VEZT: variants seen among roughly 807,000 people sequenced by gnomAD.
VEZT encodes vezatin, adherens junctions transmembrane protein.
VEZT carries 39 observed loss-of-function variants against 79.9 expected under a neutral mutation model. The ratio of observed to expected loss-of-function variants is 0.49; its 90% CI spans 0.38 to 0.64. The LOEUF (loss-of-function observed/expected upper bound fraction) is 0.64, where lower values mean the gene tolerates loss of function less well. Ranked by LOEUF, VEZT falls within the 30% of genes least tolerant of loss-of-function variation. VEZT has a pLI of 0.00. For missense variants in VEZT, 837 were observed against 893.1 expected (o/e 0.94, Z 0.80); for synonymous variants, 325 against 327.6 (o/e 0.99, Z 0.09).
At chr12:95,226,532 A>G (rs1199839354) in intron 1 of VEZT, among the ~76,000 whole-genome samples, 1 of 152,228 alleles carries the variant, frequency 6.6e-6, no homozygotes, top group Admixed American at 6.5e-5. Context: ...TAAATCATGC[A>G]GAGTTTTGGA....
At chr12:95,236,575 C>CT (rs767088513) in intron 1 of VEZT, among the ~76,000 whole-genome samples, 351 of 141,872 alleles carry the variant, frequency 2.5e-3, no homozygotes, top group Admixed American at 3.2e-3. Flanking sequence ...TTACTGAATT[C>CT]TTTTTTTTTT....
intron 2 of VEZT, among the ~76,000 whole-genome samples, chr12:95,254,541 T>G (rs760961823): frequency 3.3e-5 from 5 of 151,918 alleles, no homozygotes; most frequent in East Asian, 1.9e-4. Context: ...GAGATGGGGT[T>G]TTACCTTGTT....
chr12:95,239,932 A>T (rs531534145), intron 1 of VEZT, among the ~76,000 whole-genome samples: 1 of 145,336 alleles, frequency 6.9e-6, no homozygotes, highest in Non-Finnish European at 1.5e-5. Context: ...AGCCTGAGCA[A>T]CAGAGGGAGA....
intron 4 of VEZT, among the ~76,000 whole-genome samples, chr12:95,265,112 G>A (rs766639866): frequency 1.1e-4 from 16 of 151,826 alleles, no homozygotes; most frequent in Non-Finnish European, 1.9e-4. Flanking sequence ...CCTCCCACCT[G>A]TGCCTCTCAA....
At chr12:95,281,578 C>G (rs2069119433) in intron 7 of VEZT, among the ~76,000 whole-genome samples, 1 of 148,038 alleles carries the variant, frequency 6.8e-6, no homozygotes, top group South Asian at 2.1e-4. Flanking sequence ...TGGAGTCTTG[C>G]TGTGTCACCC....
At chr12:95,225,241 A>G (rs140735670) in intron 1 of VEZT, among the ~76,000 whole-genome samples, 1 of 152,346 alleles carries the variant, frequency 6.6e-6, no homozygotes, top group Non-Finnish European at 1.5e-5. Context: ...AAGTTGCTAT[A>G]TGCTCATGAA....
At chr12:95,240,154 C>T (rs1213695343) in intron 1 of VEZT, among the ~76,000 whole-genome samples, 1 of 151,882 alleles carries the variant, frequency 6.6e-6, no homozygotes, top group East Asian at 1.9e-4. Context: ...TGTTCTTAGC[C>T]CAGTAGATGT....
chr12:95,223,275 C>T (rs1457298101), intron 1 of VEZT, among the ~76,000 whole-genome samples: 1 of 151,944 alleles, frequency 6.6e-6, no homozygotes, highest in African/African-American at 2.4e-5. Context: ...GTAAATGTTA[C>T]CTTTTATTAA....
At chr12:95,260,960 C>T (rs1010732030) in intron 3 of VEZT, among the ~76,000 whole-genome samples, 1 of 128,496 alleles carries the variant, frequency 7.8e-6, no homozygotes, top group East Asian at 2.3e-4. Context: ...AAATATGAAA[C>T]ATAAAAGTGC....
intron 4 of VEZT, among the ~76,000 whole-genome samples, chr12:95,265,148 A>G (rs1457985947): frequency 1.3e-5 from 2 of 152,214 alleles, no homozygotes; most frequent in Non-Finnish European, 2.9e-5. Context: ...GGCGTGGGCC[A>G]CTGTGCCTGG....
At chr12:95,219,739 C>T (rs546010750) in intron 1 of VEZT, among the ~76,000 whole-genome samples, 4 of 152,250 alleles carry the variant, frequency 2.6e-5, no homozygotes, top group South Asian at 4.1e-4. Context: ...ATACCAATTC[C>T]GGTTTCCATT....
chr12:95,231,697 T>A (rs2059298414), intron 1 of VEZT, among the ~76,000 whole-genome samples: 1 of 152,214 alleles, frequency 6.6e-6, no homozygotes, highest in South Asian at 2.1e-4. Context: ...TTGAAATGTG[T>A]AAGCTCCGAA....
chr12:95,285,085 C>CAAAAAA (rs1165581329), intron 8 of VEZT, among the ~76,000 whole-genome samples: 6 of 44,640 alleles, frequency 1.3e-4, no homozygotes, highest in East Asian at 7.1e-4. Context: ...GACTCTGTCT[C>CAAAAAA]AAAAAAAAAA....
chr12:95,260,333 T>A (rs187580840), intron 3 of VEZT, among the ~76,000 whole-genome samples: 14 of 152,230 alleles, frequency 9.2e-5, no homozygotes, highest in Admixed American at 8.5e-4. Context: ...CTTGAACTCT[T>A]GGCCTCAAGT....
intron 1 of VEZT, among the ~76,000 whole-genome samples, chr12:95,226,398 A>ATT (rs11309270): frequency 0.12 from 17,297 of 147,936 alleles, 1,194 homozygotes; most frequent in Non-Finnish European, 0.16. Flanking sequence ...TTTAACTGTG[A>ATT]TTTTTTTTTT....
At chr12:95,276,914 C>G (rs2067903658) in intron 7 of VEZT, among the ~76,000 whole-genome samples, 1 of 152,128 alleles carries the variant, frequency 6.6e-6, no homozygotes, top group Non-Finnish European at 1.5e-5. Context: ...TCTTTCTTGT[C>G]CCTCTTTTTG....
intron 2 of VEZT, among the ~76,000 whole-genome samples, chr12:95,252,937 C>T (rs1002440569): frequency 2.0e-5 from 3 of 152,086 alleles, no homozygotes; most frequent in African/African-American, 7.2e-5. Context: ...TGCACTCCAG[C>T]CTGGGCAACA....
At chr12:95,278,143 G>A (rs2068175038) in intron 7 of VEZT, among the ~76,000 whole-genome samples, 1 of 152,168 alleles carries the variant, frequency 6.6e-6, no homozygotes, top group Admixed American at 6.5e-5. Context: ...TGCCTCCAAA[G>A]GATTAGATGT....
At chr12:95,278,775 G>C (rs1011811905) in intron 7 of VEZT, among the ~76,000 whole-genome samples, 1 of 152,180 alleles carries the variant, frequency 6.6e-6, no homozygotes, top group African/African-American at 2.4e-5. Flanking sequence ...ATCCAGGCGT[G>C]AGTCTTATCC....
Sources: gnomAD v4.1 joint callset for allele counts (sites outside exome capture counted in the v4.1 genomes callset) on GRCh38, gnomAD v4.1.1 for gene constraint, MANE v1.5 for transcripts, NCBI Gene and HGNC (gene_info 2026-07-23, HGNC 2026-07-21) for gene names.